CRLS1: variants seen among roughly 807,000 people sequenced by gnomAD.
CRLS1 encodes the protein cardiolipin synthase 1.
Under a neutral mutation model 37.0 loss-of-function variants are expected in CRLS1, and 24 were observed. That is an observed-to-expected ratio of 0.65 (90% CI 0.47 to 0.91). The LOEUF is 0.91. CRLS1 is among the 40% of genes least tolerant of loss of function. The probability of loss-of-function intolerance (pLI) is 0.00; values close to 1 mark genes in which losing one functional copy is unlikely to be tolerated. For missense variants in CRLS1, 373 were observed against 395.8 expected, an observed-to-expected ratio of 0.94 and a Z score of 0.49; for synonymous variants, 135 against 159.7, an observed-to-expected ratio of 0.85 and a Z score of 1.17.
At chr20:6,006,007 T>G, upstream of CRLS1, 1 of 338,852 alleles carries the variant, frequency 3.0e-6, no homozygotes, top group Non-Finnish European at 5.3e-6. Flanking sequence ...GCCTCCGCTG[T>G]GCCAGGGGCG....
chr20:6,031,271 T>G lies in CRLS1; in HGVS notation c.575-14T>G, dbSNP rs1281818041. ...CAGAATCCCAGTTAAAATTATTTTA[T>G]GTTTGATTTTCAGTTCCACTTACTT... is the stretch of plus-strand genomic sequence containing the variant. On this transcript the variant is annotated splice_polypyrimidine_tract_variant and intron_variant, in intron 3 of 6. Transcript: ENST00000378863. 3 of 1,566,412 alleles carry G rather than the reference T, an allele frequency of 1.9e-6. No individual in the cohort carries two copies. Among genetic ancestry groups the G allele is most frequent in the Non-Finnish European group, 2.6e-6 (3 of 1,142,074 alleles).
At chr20:6,022,432 G>A (rs71338521) in intron 3 of CRLS1, among the ~76,000 whole-genome samples, 1 of 147,046 alleles carries the variant, frequency 6.8e-6, no homozygotes, top group African/African-American at 2.5e-5. Context: ...TCTGCCTCCC[G>A]GGCTCAAGCA....
chr20:6,032,015 A>C lies in CRLS1; in HGVS notation c.664A>C (p.Thr222Pro). 1 of 1,612,168 alleles carries C rather than the reference A, an allele frequency of 6.2e-7. No individual in the cohort carries two copies. The highest frequency in any genetic ancestry group is 8.5e-7 in the Non-Finnish European group (1 of 1,178,596). The change falls in exon 5 of 7, where the codon ACA becomes CCA. Residue 222 changes from threonine (T) to proline (P), a missense_variant. Physicochemically the swap from Thr to Pro is conservative, Grantham distance 38 (BLOSUM62 -1). Transcript: ENST00000378863. ...VRYRTLPTPRTLAKYFNPCYA... is the reference protein window; with the variant it reads ...VRYRTLPTPRPLAKYFNPCYA... ...ATCTTTTTTGGTCCTCTGCCAGCGAACACTTGCCAAGTATTTCAATCCTTG... is the reference window on the plus strand; with the variant it reads ...ATCTTTTTTGGTCCTCTGCCAGCGACCACTTGCCAAGTATTTCAATCCTTG...
At chr20:6,018,573 C>A (rs2122958914) in intron 3 of CRLS1, among the ~76,000 whole-genome samples, 1 of 152,266 alleles carries the variant, frequency 6.6e-6, no homozygotes, top group South Asian at 2.1e-4. Context: ...TTGTCAGTAT[C>A]CTTTTTCAAG....
At position 6,025,518 on chromosome 20, in the gene CRLS1, C is replaced by T. The variant is rs1481813316; in HGVS notation, c.575-5767C>T. Among the ~76,000 whole-genome samples the T allele has an allele frequency of 3.9e-5, 6 of 152,282 alleles. No individual in the cohort carries two copies. The South Asian group carries it at 8.3e-4, about 21-fold the overall frequency. On this transcript the variant is annotated intron_variant, in intron 3 of 6. Coordinates refer to ENST00000378863, the MANE Select transcript of CRLS1 (RefSeq NM_019095.6). ...CAAGAAAATTAATGTTGTTTTCATA[C>T]CTACTAACACATCCATTCTTCAGTC... is the stretch of plus-strand genomic sequence containing the variant.
chr20:6,006,988 AC>A (rs1568612976), intron 1 of CRLS1, among the ~76,000 whole-genome samples: 1 of 151,978 alleles, frequency 6.6e-6, no homozygotes, highest in African/African-American at 2.4e-5. Flanking sequence ...ACCTTTGGTA[AC>A]CTTACACATT....
intron 5 of CRLS1, among the ~76,000 whole-genome samples, chr20:6,032,329 T>C (rs561652054): frequency 2.0e-5 from 3 of 152,118 alleles, no homozygotes; most frequent in Admixed American, 6.5e-5. Flanking sequence ...ATCGGGCCAC[T>C]GTTTAGGGAA....
upstream of CRLS1, chr20:6,006,063 G>C (rs374530893): frequency 3.5e-4 from 129 of 370,490 alleles, 1 homozygote; most frequent in South Asian, 0.016. Context: ...TCGCGAAGGC[G>C]TCCGCCCTTG....
intron 1 of CRLS1, chr20:6,007,514 C>G: frequency 8.7e-7 from 1 of 1,155,742 alleles, no homozygotes; most frequent in Admixed American, 2.0e-5. Context: ...CTGAAATATT[C>G]TATGTGGAGC....
chr20:6,019,251 A>G (rs112260940), intron 3 of CRLS1, among the ~76,000 whole-genome samples: 2,186 of 149,500 alleles, frequency 0.015, 59 homozygotes, highest in African/African-American at 0.05. Context: ...TTAACCTTCA[A>G]CCAACTCACT....
At chr20:6,023,080 AT>A (rs763019841) in intron 3 of CRLS1, among the ~76,000 whole-genome samples, 44 of 152,110 alleles carry the variant, frequency 2.9e-4, no homozygotes, top group Non-Finnish European at 1.6e-4. Flanking sequence ...CTTCTATTTT[AT>A]TCTTTTTTGG....
intron 3 of CRLS1, among the ~76,000 whole-genome samples, chr20:6,025,055 G>A (rs1397793593): frequency 1.3e-5 from 2 of 152,216 alleles, no homozygotes; most frequent in African/African-American, 4.8e-5. Flanking sequence ...GCTGCAGCAA[G>A]TTATACAGAA....
At chr20:6,030,668 G>A (rs1452680084) in intron 3 of CRLS1, among the ~76,000 whole-genome samples, 1 of 151,688 alleles carries the variant, frequency 6.6e-6, no homozygotes, top group Non-Finnish European at 1.5e-5. Context: ...GCAGTGAGCC[G>A]ATACCGTGCC....
rs527989331 is a variant in CRLS1 at position 6,038,880 on chromosome 20, T to G, written c.*1722T>G. Reference sequence around the variant, plus strand: ...TCAATCTGGCTCTGGTTAATAAACGTTTCCCGCTTCATCCCTTAGGAAAAT... The same window carrying G: ...TCAATCTGGCTCTGGTTAATAAACGGTTCCCGCTTCATCCCTTAGGAAAAT... On this transcript the variant is annotated 3_prime_UTR_variant, in exon 7 of 7. Coordinates refer to ENST00000378863, the MANE Select transcript of CRLS1 (RefSeq NM_019095.6). 6.2e-4 allele frequency: 94 copies of G among 152,338 alleles called. No individual in the cohort carries two copies. Among genetic ancestry groups the G allele is most frequent in the African/African-American group, 2.2e-3 (91 of 41,572 alleles). The allele number at this position is 152,338 out of a possible 1,614,324, so 9.4% of individuals were successfully genotyped here.
Position 6,006,133 on chromosome 20 carries a change from C to T in CRLS1, c.-114C>T, listed in dbSNP as rs964171347. On this transcript the variant is annotated 5_prime_UTR_variant, in exon 1 of 7. Coordinates refer to ENST00000378863, the MANE Select transcript of CRLS1 (RefSeq NM_019095.6). ...TGGGGTGTGTAAAGTAGTATGGAGG[C>T]AGCGGTAGCCCAGTGTCTGAGTGGT... is the stretch of plus-strand genomic sequence containing the variant. The T allele has an allele frequency of 2.0e-6, 1 of 490,158 alleles. No homozygotes were observed. Among genetic ancestry groups the T allele is most frequent in the Non-Finnish European group, 3.1e-6 (1 of 318,308 alleles). 30.4% of individuals were successfully genotyped at this position (490,158 alleles called of 1,614,324 possible).
At chr20:6,006,764 A>G (rs2090062119) in intron 1 of CRLS1, 6 of 985,308 alleles carry the variant, frequency 6.1e-6, no homozygotes, top group Non-Finnish European at 7.2e-6. Flanking sequence ...GTCAAGTTAG[A>G]AATCCTCTCA....
At chr20:6,015,538 A>G (rs984129349) in intron 3 of CRLS1, 48 bp downstream of exon 3, 10 of 1,579,792 alleles carry the variant, frequency 6.3e-6, no homozygotes, top group Non-Finnish European at 8.7e-6. Context: ...GAAGAATGAC[A>G]TTAGTCAGCT....
At chr20:6,026,687 C>T (rs1196037358) in intron 3 of CRLS1, among the ~76,000 whole-genome samples, 2 of 152,112 alleles carry the variant, frequency 1.3e-5, no homozygotes, top group African/African-American at 2.4e-5. Flanking sequence ...GCTCCGTAGG[C>T]ACTGGGTGCA....
In CRLS1 at chr20:6,006,334, G is replaced by A; in HGVS notation, c.88G>A (p.Ala30Thr). The change falls in exon 1 of 7, where the codon GCC becomes ACC. Residue 30 changes from alanine to threonine, a missense_variant. By Grantham distance (58) the Ala-to-Thr change is moderately conservative. Transcript: ENST00000378863. ...APGTRPSKRRACWALLPPVPC... is the reference protein window; with the variant it reads ...APGTRPSKRRTCWALLPPVPC... ...GGGAACGCGGCCGAGTAAGCGACGC[G>A]CCTGCTGGGCCCTGCTGCCGCCCGT... 7.4e-7 allele frequency: 1 copy of A among 1,360,336 alleles called. No homozygotes were observed. The highest frequency in any genetic ancestry group is 9.5e-7 in the Non-Finnish European group (1 of 1,054,366). 84.3% of individuals were successfully genotyped at this position (1,360,336 alleles called of 1,614,324 possible).
Sources: allele counts gnomAD v4.1 joint callset (sites outside exome capture counted in the v4.1 genomes callset), GRCh38; gene constraint gnomAD v4.1.1; transcripts MANE v1.5; gene names NCBI Gene and HGNC (gene_info 2026-07-23, HGNC 2026-07-21).